ASIC2: variants seen among roughly 807,000 people sequenced by gnomAD.
The protein encoded by ASIC2 is acid sensing ion channel subunit 2.
In ASIC2, 25 loss-of-function variants were observed where a neutral mutation model predicts 57.3. That is an observed-to-expected ratio of 0.44 (90% confidence interval 0.32 to 0.61). The LOEUF (loss-of-function observed/expected upper bound fraction) is 0.61. Ranked by LOEUF, ASIC2 falls within the 20% of genes least tolerant of loss-of-function variation. ASIC2 has a pLI of 0.06. For synonymous variants in ASIC2, 319 were observed against 307.5 expected, an observed-to-expected ratio of 1.04 and a Z score of -0.39; for missense variants, 641 against 738.1, an observed-to-expected ratio of 0.87 and a Z score of 1.52.
chr17:33,251,805 T>C (rs1181955695), intron 1 of ASIC2, among the ~76,000 whole-genome samples: 3 of 152,176 alleles, frequency 2.0e-5, no homozygotes, highest in African/African-American at 7.2e-5. Flanking sequence ...CAGATCTGTA[T>C]TCAAAGACTG....
chr17:33,229,100 C>T (rs1668612157), intron 1 of ASIC2, among the ~76,000 whole-genome samples: 1 of 152,102 alleles, frequency 6.6e-6, no homozygotes. Context: ...TACAGGAACA[C>T]GTGAGACTGT....
chr17:33,754,286 C>G (rs1031427721), intron 1 of ASIC2, among the ~76,000 whole-genome samples: 4 of 152,004 alleles, frequency 2.6e-5, no homozygotes, highest in Non-Finnish European at 5.9e-5. Context: ...AGAGTCCATC[C>G]GAGTTGGCAG....
At chr17:33,727,525 C>T (rs1328001400) in intron 1 of ASIC2, among the ~76,000 whole-genome samples, 1 of 152,092 alleles carries the variant, frequency 6.6e-6, no homozygotes, top group East Asian at 1.9e-4. Context: ...ATTTCCCCCT[C>T]CTTGCTGTGA....
intron 2 of ASIC2, among the ~76,000 whole-genome samples, chr17:33,092,599 C>T (rs371193684): frequency 6.6e-6 from 1 of 152,260 alleles, no homozygotes; most frequent in African/African-American, 2.4e-5. Context: ...AGGTCATCTA[C>T]ATTTGGGCAG....
At chr17:33,431,196 T>A (rs1029537129) in intron 1 of ASIC2, among the ~76,000 whole-genome samples, 4 of 152,094 alleles carry the variant, frequency 2.6e-5, no homozygotes, top group African/African-American at 9.7e-5. Context: ...GATGAAACAG[T>A]CCAGACCCTA....
intron 1 of ASIC2, among the ~76,000 whole-genome samples, chr17:33,690,713 G>A (rs1311369781): frequency 2.7e-5 from 4 of 148,964 alleles, no homozygotes; most frequent in Admixed American, 6.7e-5. Context: ...ATTTACTTTA[G>A]GCATGTAATC....
intron 1 of ASIC2, among the ~76,000 whole-genome samples, chr17:33,722,957 TTCA>T (rs1357734076): frequency 6.6e-6 from 1 of 152,168 alleles, no homozygotes; most frequent in African/African-American, 2.4e-5. Flanking sequence ...CAATGAAACT[TTCA>T]TCTTTTGCCA....
chr17:33,291,193 A>C (rs1027669909), intron 1 of ASIC2: 8 of 1,043,492 alleles, frequency 7.7e-6, no homozygotes, highest in Non-Finnish European at 7.8e-6. Flanking sequence ...GGGAGCTCCC[A>C]CTGGTGGGAG....
At chr17:33,669,000 G>A (rs4794969) in intron 1 of ASIC2, among the ~76,000 whole-genome samples, 17,415 of 152,186 alleles carry the variant, frequency 0.11, 1,427 homozygotes, top group African/African-American at 0.22. Context: ...TGCAACAGAC[G>A]CCGCCAGGAG....
intron 1 of ASIC2, among the ~76,000 whole-genome samples, chr17:33,813,991 A>G (rs1421450412): frequency 1.3e-5 from 2 of 151,988 alleles, no homozygotes; most frequent in Admixed American, 6.6e-5. Context: ...TGGGCCCTCA[A>G]TTCTATCCAC....
intron 3 of ASIC2, among the ~76,000 whole-genome samples, chr17:33,030,424 C>T (rs2141905653): frequency 6.6e-6 from 1 of 152,240 alleles, no homozygotes; most frequent in Admixed American, 6.5e-5. Flanking sequence ...TTTTGAGATT[C>T]ATTCATGCTT....
At chr17:33,187,904 T>A in intron 1 of ASIC2, among the ~76,000 whole-genome samples, 13 of 82,964 alleles carry the variant, frequency 1.6e-4, no homozygotes, top group Admixed American at 4.1e-4. Flanking sequence ...TGGTCAGGGA[T>A]GAAAAAAAAA....
At position 33,464,518 on chromosome 17, in the gene ASIC2, TTC is replaced by T. The variant is rs1274773012; in HGVS notation, c.556-352453_556-352452del. 9.6e-4 allele frequency among the ~76,000 whole-genome samples: 39 copies of T among 40,750 alleles called. 1 individual carries two copies. Among genetic ancestry groups the T allele is most frequent in the African/African-American group, 4.1e-3 (37 of 8,968 alleles). The allele number at this position is 40,750 out of a possible 152,430, so 26.7% of individuals were successfully genotyped here. ...TTTCTTTCTTTCTTTCTTTCTTTCT[TTC>T]TTTCTTTCTTTCTTTCTTTCTCTTT... is the stretch of plus-strand genomic sequence containing the variant. On this transcript the variant is annotated intron_variant, in intron 1 of 9. Coordinates refer to the ASIC2 transcript ENST00000359872.
chr17:33,692,081 T>C (rs1279758106), intron 1 of ASIC2: 1 of 152,168 alleles, frequency 6.6e-6, no homozygotes, highest in Non-Finnish European at 1.5e-5. Context: ...AAATAAAATC[T>C]TATTTCTAGA....
At chr17:33,112,540 C>A (rs191343913) in intron 1 of ASIC2, among the ~76,000 whole-genome samples, 90 of 152,282 alleles carry the variant, frequency 5.9e-4, no homozygotes, top group Non-Finnish European at 1.0e-3. Context: ...AGCTTCCCCA[C>A]CCCATTGGAC....
intron 1 of ASIC2, chr17:33,792,657 A>G (rs563633983): frequency 3.0e-4 from 45 of 152,304 alleles, no homozygotes; most frequent in Non-Finnish European, 5.3e-4. Flanking sequence ...TTTTTCATTT[A>G]GAAAAAAGAA....
chr17:33,762,897 C>T (rs1018901469), intron 1 of ASIC2, among the ~76,000 whole-genome samples: 33 of 152,138 alleles, frequency 2.2e-4, no homozygotes, highest in Admixed American at 2.0e-3. Flanking sequence ...CAGTCCGTTG[C>T]GGGGCCTTGG....
intron 1 of ASIC2, among the ~76,000 whole-genome samples, chr17:33,575,323 G>A (rs1916585230): frequency 6.6e-6 from 1 of 152,196 alleles, no homozygotes; most frequent in Non-Finnish European, 1.5e-5. Context: ...CATAGCACAA[G>A]TTCCATAGAT....
At chr17:33,241,129 T>C (rs1473714511) in intron 1 of ASIC2, among the ~76,000 whole-genome samples, 2 of 152,224 alleles carry the variant, frequency 1.3e-5, no homozygotes, top group African/African-American at 4.8e-5. Flanking sequence ...CAGAACTGTA[T>C]TAAACCCATG....
Sources: gnomAD v4.1 joint callset for allele counts (sites outside exome capture counted in the v4.1 genomes callset) on GRCh38, gnomAD v4.1.1 for gene constraint, MANE v1.5 for transcripts, NCBI Gene and HGNC (gene_info 2026-07-23, HGNC 2026-07-21) for gene names.